BAZ2B: variants seen among roughly 807,000 people sequenced by gnomAD.
BAZ2B encodes bromodomain adjacent to zinc finger domain 2B.
A neutral mutation model predicts 246.0 loss-of-function variants in BAZ2B; 91 were observed. The ratio of observed to expected loss-of-function variants is 0.37; its 90% CI spans 0.31 to 0.44. The LOEUF is 0.44. Ranked by LOEUF, BAZ2B falls within the 20% of genes least tolerant of loss-of-function variation. The pLI is 1.00. For synonymous variants in BAZ2B, 855 were observed against 860.0 expected, an observed-to-expected ratio of 0.99 and a Z score of 0.10; for missense variants, 2,332 against 2,533.7, an observed-to-expected ratio of 0.92 and a Z score of 1.71.
intron 1 of BAZ2B, among the ~76,000 whole-genome samples, chr2:159,610,719 G>A (rs1345503838): frequency 6.6e-6 from 1 of 152,000 alleles, no homozygotes; most frequent in African/African-American, 2.4e-5. Flanking sequence ...CAAAGTACAA[G>A]TTGAATTTTA....
At chr2:159,373,262 T>G in intron 26 of BAZ2B, 73 bp from the exon 27 acceptor site, 1 of 1,376,860 alleles carries the variant, frequency 7.3e-7, no homozygotes, top group South Asian at 1.6e-5. Flanking sequence ...TATGTAACTT[T>G]ATACTTATTG....
intron 13 of BAZ2B, among the ~76,000 whole-genome samples, chr2:159,421,020 G>GC (rs2150047248): frequency 6.6e-6 from 1 of 152,240 alleles, no homozygotes; most frequent in East Asian, 1.9e-4. Flanking sequence ...CTAAAATCAA[G>GC]ATTTTTACAG....
intron 31 of BAZ2B, among the ~76,000 whole-genome samples, chr2:159,344,459 G>T (rs2067373203): frequency 6.6e-6 from 1 of 151,834 alleles, no homozygotes; most frequent in South Asian, 2.1e-4. Flanking sequence ...GCTTGAACCT[G>T]GGAGGTGGAG....
intron 1 of BAZ2B, among the ~76,000 whole-genome samples, chr2:159,564,405 TA>T (rs1315905298): frequency 6.6e-6 from 1 of 152,054 alleles, no homozygotes; most frequent in African/African-American, 2.4e-5. Flanking sequence ...TGATTTGATT[TA>T]AAAAAACAAC....
the BAZ2B span, among the ~76,000 whole-genome samples, chr2:159,697,521 ATTAGGACAATCATT>A: frequency 2.0e-5 from 3 of 152,190 alleles, no homozygotes; most frequent in Non-Finnish European, 2.9e-5. Flanking sequence ...GGCTTTCTCC[ATTAGGACAATCATT>A]TTTATATTTA....
chr2:159,369,530 A>G (rs894674488), intron 27 of BAZ2B, among the ~76,000 whole-genome samples: 6 of 146,872 alleles, frequency 4.1e-5, no homozygotes, highest in African/African-American at 1.2e-4. Context: ...CAGGTATACA[A>G]TGATAAAGAA....
At chr2:159,420,489 T>G (rs1277220907) in intron 13 of BAZ2B, among the ~76,000 whole-genome samples, 2 of 152,204 alleles carry the variant, frequency 1.3e-5, no homozygotes, top group Non-Finnish European at 2.9e-5. Context: ...ATGCTTTTTT[T>G]GGGCCTGGTA....
At chr2:159,461,404 C>T (rs1035878013) in intron 3 of BAZ2B, 9 of 152,550 alleles carry the variant, frequency 5.9e-5, no homozygotes, top group Admixed American at 2.6e-4. Context: ...GTTTTACATC[C>T]TATTTAGAAG....
At position 159,404,858 on chromosome 2, in the gene BAZ2B, C is replaced by T. The variant is rs1434832605; in HGVS notation, c.2823G>A (p.Met941Ile). 1.2e-6 allele frequency: 2 copies of T among 1,612,486 alleles called. No homozygotes were observed. The highest frequency in any genetic ancestry group is 3.3e-5 in the Admixed American group (2 of 59,990). Residue 941 changes from methionine to isoleucine, a missense_variant, in exon 16 of 37, where the codon ATG becomes ATA. Transcript: ENST00000392783. ...KRKQKEQIKI[M>I]KQQEKIKRIQ... is the part of the protein sequence containing the mutation. ...CAATGTATACACATACCTGCTGTTT[C>T]ATAATCTTTATCTGTTCTTTTTGCT...
At chr2:159,353,365 AG>A (rs2149194547) in intron 27 of BAZ2B, among the ~76,000 whole-genome samples, 1 of 152,362 alleles carries the variant, frequency 6.6e-6, no homozygotes, top group East Asian at 1.9e-4. Context: ...CAAATAACAA[AG>A]TTGAAAAACA....
At chr2:159,527,345 A>G (rs763657467) in intron 2 of BAZ2B, among the ~76,000 whole-genome samples, 5 of 152,162 alleles carry the variant, frequency 3.3e-5, no homozygotes, top group Non-Finnish European at 7.4e-5. Context: ...TATATCCTAG[A>G]TAAGAGTCCT....
chr2:159,325,734 G>T lies in BAZ2B; in HGVS notation c.6128C>A (p.Ser2043Tyr). ...ACTTTCTTGTTTTGACAAGTTAATA[G>T]AAGTGTTTTCCTCCATTTTTCTTTT... ...LKKRKMEENTSINLSKQESFT... is the reference protein window; with the variant it reads ...LKKRKMEENTYINLSKQESFT... Residue 2043 changes from serine (S) to tyrosine (Y), a missense_variant, in exon 35 of 37, where the codon TCT becomes TAT. By Grantham distance (144) the Ser-to-Tyr change is moderately radical. Coordinates refer to ENST00000392783, the MANE Select transcript of BAZ2B (RefSeq NM_013450.4). The T allele has an allele frequency of 6.3e-7, 1 of 1,598,060 alleles. No homozygotes were observed. Among genetic ancestry groups the T allele is most frequent in the Non-Finnish European group, 8.5e-7 (1 of 1,176,354 alleles).
chr2:159,414,741 C>T (rs144561738), intron 13 of BAZ2B, among the ~76,000 whole-genome samples: 1,736 of 151,036 alleles, frequency 0.011, 36 homozygotes, highest in African/African-American at 0.039. Context: ...GGCTTGAACT[C>T]GGGAGGCGGA....
chr2:159,325,700 T>C lies in BAZ2B; in HGVS notation c.6162A>G (p.Ser2054=), dbSNP rs778806419. 3 of 1,594,848 alleles carry C rather than the reference T, an allele frequency of 1.9e-6. No homozygotes were observed. In the Admixed American group the frequency reaches 5.6e-5, roughly 30 times the overall value. The part of the protein sequence containing the change: ...INLSKQESFT[S]VKKPKRDDSK... ...AGTCATCTCTTTTAGGTTTCTTAACTGAAGTAAAACTTTCTTGTTTTGACA... is the reference window on the plus strand; with the variant it reads ...AGTCATCTCTTTTAGGTTTCTTAACCGAAGTAAAACTTTCTTGTTTTGACA... Residue 2054 remains serine, a synonymous_variant, in exon 35 of 37, where the codon TCA becomes TCG. Transcript: ENST00000392783.
At chr2:159,450,346 C>T (rs2074885555) in intron 4 of BAZ2B, among the ~76,000 whole-genome samples, 1 of 147,812 alleles carries the variant, frequency 6.8e-6, no homozygotes, top group Non-Finnish European at 1.5e-5. Flanking sequence ...CTGCATTCCA[C>T]AGCCTGGGTG....
chr2:159,381,997 G>A (rs145416072), intron 25 of BAZ2B, among the ~76,000 whole-genome samples: 62 of 152,288 alleles, frequency 4.1e-4, no homozygotes, highest in Admixed American at 1.2e-3. Flanking sequence ...ATGCTCTTAA[G>A]TTGTATCTGC....
intron 2 of BAZ2B, among the ~76,000 whole-genome samples, chr2:159,547,247 T>C (rs1051196783): frequency 1.3e-5 from 2 of 152,196 alleles, no homozygotes; most frequent in Non-Finnish European, 1.5e-5. Context: ...AATGTAGCTA[T>C]GGATGTAATG....
chr2:159,572,223 T>C (rs925432304), intron 1 of BAZ2B, among the ~76,000 whole-genome samples: 3 of 152,224 alleles, frequency 2.0e-5, no homozygotes, highest in Middle Eastern at 3.2e-3. Context: ...TCATTTGTTA[T>C]CTGTTATAAT....
At chr2:159,564,019 C>T (rs1023586123) in intron 1 of BAZ2B, among the ~76,000 whole-genome samples, 1 of 152,180 alleles carries the variant, frequency 6.6e-6, no homozygotes, top group Non-Finnish European at 1.5e-5. Context: ...AAAGTCTCCG[C>T]TTCATAGAAT....
Sources: gnomAD v4.1 joint callset for allele counts (sites outside exome capture counted in the v4.1 genomes callset) on GRCh38, gnomAD v4.1.1 for gene constraint, MANE v1.5 for transcripts, NCBI Gene and HGNC (gene_info 2026-07-23, HGNC 2026-07-21) for gene names.